The following RUSC2 variants were observed in gnomAD, a reference collection of about 807,000 sequenced individuals.
RUSC2 encodes the protein RUN and SH3 domain containing 2.
RUSC2 carries 34 observed loss-of-function variants against 122.2 expected under a neutral mutation model. The ratio of observed to expected loss-of-function variants is 0.28; its 90% CI spans 0.21 to 0.37. RUSC2 has a LOEUF of 0.37. RUSC2 is among the 10% of genes least tolerant of loss of function. The pLI is 1.00. For missense variants in RUSC2, 1,747 were observed against 1,952.4 expected (o/e 0.89, Z 1.98); for synonymous variants, 784 against 790.0 (o/e 0.99, Z 0.13).
chr9:35,549,683 G>A (rs1277644785), intron 2 of RUSC2, among the ~76,000 whole-genome samples: 1 of 152,244 alleles, frequency 6.6e-6, no homozygotes. Context: ...AGGCTCACAG[G>A]ATTGTCTGTA....
chr9:35,498,641 G>A (rs528514570), intron 1 of RUSC2, among the ~76,000 whole-genome samples: 2 of 151,578 alleles, frequency 1.3e-5, no homozygotes, highest in East Asian at 2.0e-4. Flanking sequence ...GGTGGATCAC[G>A]AGGTCAGGAG....
In RUSC2 at chr9:35,555,452, C is replaced by T. The variant is rs1489252233; in HGVS notation, c.2407C>T (p.Pro803Ser). Residue 803 changes from proline to serine, a missense_variant, in exon 3 of 12, where the codon CCT becomes TCT. Pro to Ser is a moderately conservative substitution (Grantham distance 74). Transcript: ENST00000361226. This position sits in a 1 kb window ranked among gnomAD's most constrained non-coding sequence, Gnocchi z 4.6. Reference sequence around the variant, plus strand: ...CTCTTCTGCCTCCACTTCGTGCTCCCCTCCCCCAGAGCAGCCCACAGCCAC... The same window carrying T: ...CTCTTCTGCCTCCACTTCGTGCTCCTCTCCCCCAGAGCAGCCCACAGCCAC... ...TDSSASTSCS[P>S]PPEQPTATES... The T allele has an allele frequency of 1.9e-6, 3 of 1,614,130 alleles. No individual in the cohort carries two copies. The highest frequency in any genetic ancestry group is 1.7e-5 in the Admixed American group (1 of 60,010).
At chr9:35,508,556 T>C (rs1740223468) in intron 1 of RUSC2, among the ~76,000 whole-genome samples, 1 of 152,260 alleles carries the variant, frequency 6.6e-6, no homozygotes, top group African/African-American at 2.4e-5. Context: ...TAAGCCACTC[T>C]GAGATTGTCG....
At chr9:35,556,226 T>C (rs1822015608) in intron 4 of RUSC2, 82 bp from the exon 5 acceptor site, 2 of 1,598,056 alleles carry the variant, frequency 1.3e-6, no homozygotes, top group East Asian at 4.5e-5. Flanking sequence ...AAGGAACGTG[T>C]CTCAGACGGT....
rs762809650 is a variant in RUSC2 at position 35,558,381 on chromosome 9, G to A, written c.3235+10G>A. 3 of 1,613,880 alleles carry A rather than the reference G, an allele frequency of 1.9e-6. No homozygotes were observed. Among genetic ancestry groups the A allele is most frequent in the East Asian group, 4.5e-5 (2 of 44,866 alleles). On this transcript the variant is annotated intron_variant, in intron 7 of 11. Coordinates refer to ENST00000361226, the MANE Select transcript of RUSC2 (RefSeq NM_014806.5). The surrounding 1 kb of genome is among the most constrained non-coding windows in gnomAD (Gnocchi z 4.3). ...GCTTCCACACAGCTAGGTAGGTGCT[G>A]GGTGCCAAGACGGGGACCCAGGGCT...
chr9:35,538,123 G>A (rs1376038840), intron 1 of RUSC2, among the ~76,000 whole-genome samples: 1 of 152,150 alleles, frequency 6.6e-6, no homozygotes, highest in Non-Finnish European at 1.5e-5. Context: ...TGGCTAGAGG[G>A]ATTCTGCCTT....
chr9:35,536,610 CA>C (rs926655869), intron 1 of RUSC2, among the ~76,000 whole-genome samples: 1 of 151,780 alleles, frequency 6.6e-6, no homozygotes, highest in African/African-American at 2.4e-5. Flanking sequence ...GTCAGGAGTT[CA>C]AAACAAGCCT....
intron 1 of RUSC2, among the ~76,000 whole-genome samples, chr9:35,525,910 T>C (rs554441716): frequency 6.6e-6 from 1 of 152,192 alleles, no homozygotes; most frequent in East Asian, 1.9e-4. Flanking sequence ...CATGAAACCC[T>C]ATCTACCAAA....
intron 1 of RUSC2, among the ~76,000 whole-genome samples, chr9:35,545,764 A>T (rs1564262103): frequency 6.6e-6 from 1 of 152,172 alleles, no homozygotes; most frequent in South Asian, 2.1e-4. Flanking sequence ...CAGTCACCCT[A>T]ATGCCCAACT....
At chr9:35,522,515 C>A (rs571753594) in intron 1 of RUSC2, among the ~76,000 whole-genome samples, 4 of 152,314 alleles carry the variant, frequency 2.6e-5, no homozygotes, top group South Asian at 4.1e-4. Flanking sequence ...TTTTGCTGTT[C>A]TGGCCTCCAG....
In RUSC2 at chr9:35,555,935, A is replaced by C; in HGVS notation, c.2657-17A>C. On this transcript the variant is annotated splice_polypyrimidine_tract_variant and intron_variant, in intron 3 of 11. Transcript: ENST00000361226. The surrounding 1 kb of genome is among the most constrained non-coding windows in gnomAD (Gnocchi z 4.6). ...CCTGCCAACTCTTGTCTTTCTGCTA[A>C]TCTGTTCTGCTTCCAGCCAACCACC... is the stretch of plus-strand genomic sequence containing the variant. 1 of 1,611,174 alleles carries C rather than the reference A, an allele frequency of 6.2e-7. No homozygotes were observed. Among genetic ancestry groups the C allele is most frequent in the Non-Finnish European group, 8.5e-7 (1 of 1,177,998 alleles).
Position 35,557,238 on chromosome 9 carries a change from G to A in RUSC2, c.2984-676G>A, listed in dbSNP as rs1251005388. Among the ~76,000 whole-genome samples the A allele has an allele frequency of 6.6e-6, 1 of 152,174 alleles. No individual in the cohort carries two copies. Reference sequence around the variant, plus strand: ...CTGAAGATGAGCCTGTGAAGAGAGAGCTGAAGTTCCTTGCAAAGGCAGAAG... The same window carrying A: ...CTGAAGATGAGCCTGTGAAGAGAGAACTGAAGTTCCTTGCAAAGGCAGAAG... On this transcript the variant is annotated intron_variant, in intron 5 of 11. Transcript: ENST00000361226. The surrounding 1 kb of genome is among the most constrained non-coding windows in gnomAD (Gnocchi z 4.6).
chr9:35,514,816 T>C (rs908328259), intron 1 of RUSC2, among the ~76,000 whole-genome samples: 3 of 152,186 alleles, frequency 2.0e-5, no homozygotes, highest in African/African-American at 4.8e-5. Flanking sequence ...TGGCACAAGA[T>C]GACCTACTAT....
At chr9:35,545,755 AGTCACC>A (rs1821731191) in intron 1 of RUSC2, among the ~76,000 whole-genome samples, 1 of 152,202 alleles carries the variant, frequency 6.6e-6, no homozygotes, top group Non-Finnish European at 1.5e-5. Context: ...TCATACTTGC[AGTCACC>A]CTAATGCCCA....
At chr9:35,527,884 C>CAG (rs1821351424) in intron 1 of RUSC2, among the ~76,000 whole-genome samples, 2 of 152,232 alleles carry the variant, frequency 1.3e-5, no homozygotes, top group African/African-American at 4.8e-5. Flanking sequence ...CTGCTTAATG[C>CAG]AGAACTCTCA....
At position 35,546,884 on chromosome 9, in the gene RUSC2, C is replaced by A; in HGVS notation, c.363C>A (p.Ser121Arg). Reference protein sequence around the residue: ...EPGLGDLYDDSIGDSATQQSF... With the variant: ...EPGLGDLYDDRIGDSATQQSF... ...GACTTGGTGACCTGTATGATGACAG[C>A]ATTGGTGACAGTGCCACCCAGCAGT... is the stretch of plus-strand genomic sequence containing the variant. Residue 121 changes from serine to arginine, a missense_variant, in exon 2 of 12, where the codon AGC becomes AGA. Ser to Arg is a moderately radical substitution (Grantham distance 110, BLOSUM62 -1). Transcript: ENST00000361226. This position sits in a 1 kb window ranked among gnomAD's most constrained non-coding sequence, Gnocchi z 4.3. The A allele has an allele frequency of 6.3e-7, 1 of 1,593,012 alleles. No individual in the cohort carries two copies. The highest frequency in any genetic ancestry group is 8.5e-7 in the Non-Finnish European group (1 of 1,169,900).
chr9:35,538,562 C>G (rs768791020), intron 1 of RUSC2: 4 of 152,468 alleles, frequency 2.6e-5, no homozygotes, highest in Non-Finnish European at 5.9e-5. Flanking sequence ...GGAGAGGTTT[C>G]TGGTTAAGAT....
chr9:35,505,966 A>G lies in RUSC2; in HGVS notation c.-93+15794A>G, dbSNP rs545098040. Reference sequence around the variant, plus strand: ...TGTTCATTCTCAACACTTCTATTCAATATTGTTCTGGAAATTCTAGTCATA... The same window carrying G: ...TGTTCATTCTCAACACTTCTATTCAGTATTGTTCTGGAAATTCTAGTCATA... On this transcript the variant is annotated intron_variant, in intron 1 of 11. Coordinates refer to ENST00000361226, the MANE Select transcript of RUSC2 (RefSeq NM_014806.5). 2.6e-5 allele frequency among the ~76,000 whole-genome samples: 4 copies of G among 152,346 alleles called. No individual in the cohort carries two copies. In the South Asian group the frequency reaches 6.2e-4, roughly 24 times the overall value.
Position 35,547,836 on chromosome 9 carries a change from C to T in RUSC2, c.1315C>T (p.Pro439Ser), listed in dbSNP as rs1371560195. Residue 439 changes from proline (P) to serine (S), a missense_variant, in exon 2 of 12, where the codon CCC becomes TCC. Pro to Ser is a moderately conservative substitution (Grantham distance 74). Transcript: ENST00000361226. The surrounding 1 kb of genome is among the most constrained non-coding windows in gnomAD (Gnocchi z 4.6). ...PPPGPGPDPGPSQPSEYYLFQ... is the reference protein window; with the variant it reads ...PPPGPGPDPGSSQPSEYYLFQ... ...ACCAGGCCCTGGCCCAGACCCAGGCCCCAGCCAGCCCTCTGAGTATTACCT... is the reference window on the plus strand; with the variant it reads ...ACCAGGCCCTGGCCCAGACCCAGGCTCCAGCCAGCCCTCTGAGTATTACCT... The T allele has an allele frequency of 1.2e-6, 2 of 1,614,198 alleles. No individual in the cohort carries two copies. Among genetic ancestry groups the T allele is most frequent in the Admixed American group, 1.7e-5 (1 of 60,028 alleles).
Sources: gnomAD v4.1 joint callset for allele counts (sites outside exome capture counted in the v4.1 genomes callset) on GRCh38, gnomAD v4.1.1 for gene constraint, Gnocchi (gnomAD v3.1) non-coding constraint, MANE v1.5 for transcripts, NCBI Gene and HGNC (gene_info 2026-07-23, HGNC 2026-07-21) for gene names.